SIPA1L3: variants seen among roughly 807,000 people sequenced by gnomAD.
SIPA1L3 encodes the protein signal induced proliferation associated 1 like 3, also known as signal-induced proliferation-associated 1-like protein 3.
In SIPA1L3, 59 loss-of-function variants were observed where a neutral mutation model predicts 150.1. That is an observed-to-expected ratio of 0.39 (90% CI 0.32 to 0.49). The LOEUF (loss-of-function observed/expected upper bound fraction) is 0.49, where lower values mean the gene tolerates loss of function less well. SIPA1L3 is among the 20% of genes least tolerant of loss of function. The pLI, the probability that SIPA1L3 is intolerant of heterozygous loss-of-function variation, is 0.86. For missense variants in SIPA1L3, 2,211 were observed against 2,489.5 expected, an observed-to-expected ratio of 0.89 and a Z score of 2.38; for synonymous variants, 1,070 against 1,077.6, an observed-to-expected ratio of 0.99 and a Z score of 0.14.
intron 4 of SIPA1L3, among the ~76,000 whole-genome samples, chr19:38,093,607 G>T (rs1257147165): frequency 6.6e-6 from 1 of 152,208 alleles, no homozygotes; most frequent in African/African-American, 2.4e-5. Flanking sequence ...CACGGATGGG[G>T]TTCTGTCCTT....
intron 12 of SIPA1L3, among the ~76,000 whole-genome samples, chr19:38,148,872 G>A (rs1343921968): frequency 6.6e-6 from 1 of 152,162 alleles, no homozygotes; most frequent in Non-Finnish European, 1.5e-5. Context: ...TCCAAGAAGA[G>A]ATAATTACTT....
At position 38,193,597 on chromosome 19, in the gene SIPA1L3, C is replaced by T. The variant is rs750559674; in HGVS notation, c.4657C>T (p.Arg1553Trp). 25 of 1,560,904 alleles carry T rather than the reference C, an allele frequency of 1.6e-5. 1 individual carries two copies. Among genetic ancestry groups the T allele is most frequent in the East Asian group, 9.5e-5 (4 of 42,142 alleles). The change falls in exon 18 of 22, where the codon CGG becomes TGG. Residue 1553 changes from arginine to tryptophan, a missense_variant. By Grantham distance (101) the Arg-to-Trp change is moderately radical. Coordinates refer to ENST00000222345, the MANE Select transcript of SIPA1L3 (RefSeq NM_015073.3). ...LSDESLCSGRREPSFASPAGL... is the reference protein window; with the variant it reads ...LSDESLCSGRWEPSFASPAGL... The stretch of plus-strand genomic sequence containing the variant: ...GGACGAGAGCCTGTGCAGCGGGCGC[C>T]GGGAGCCCAGCTTCGCCAGCCCCGC...
At chr19:38,197,495 C>T (rs1972986931) in intron 18 of SIPA1L3, among the ~76,000 whole-genome samples, 1 of 152,060 alleles carries the variant, frequency 6.6e-6, no homozygotes, top group Non-Finnish European at 1.5e-5. Flanking sequence ...ACGGCAACCC[C>T]ACCCCGTGTA....
intron 7 of SIPA1L3, 141 bp from the exon 8 acceptor site, chr19:38,110,086 C>T: frequency 1.3e-6 from 1 of 785,864 alleles, no homozygotes; most frequent in Non-Finnish European, 2.1e-6. Context: ...GGTTTGTCAC[C>T]TGACTCGGGC....
intron 18 of SIPA1L3, among the ~76,000 whole-genome samples, chr19:38,196,640 A>G (rs192835934): frequency 1.5e-4 from 22 of 150,208 alleles, no homozygotes; most frequent in Admixed American, 9.9e-4. Flanking sequence ...AGGGTGGAGC[A>G]TGGAGGTCAA....
At position 37,968,362 on chromosome 19, in the gene SIPA1L3, G is replaced by A. The variant is rs573989290; in HGVS notation, c.-378-60727G>A. 7.2e-5 allele frequency among the ~76,000 whole-genome samples: 11 copies of A among 152,224 alleles called. No homozygotes were observed. The East Asian group carries it at 1.5e-3, about 21-fold the overall frequency. ...GCTGGGATTACAGGCATGAGCCACC[G>A]CGCCCGGCCGGCCTCATCTCTTAAT... On this transcript the variant is annotated intron_variant, in intron 1 of 21. Transcript: ENST00000222345.
At chr19:38,191,503 G>A (rs1972803063) in intron 16 of SIPA1L3, among the ~76,000 whole-genome samples, 1 of 151,792 alleles carries the variant, frequency 6.6e-6, no homozygotes, top group South Asian at 2.1e-4. Context: ...ACGTTCTGCT[G>A]GGTAGACTGA....
intron 2 of SIPA1L3, among the ~76,000 whole-genome samples, chr19:38,030,234 G>A (rs928922337): frequency 2.0e-5 from 3 of 152,026 alleles, no homozygotes; most frequent in Non-Finnish European, 4.4e-5. Context: ...CAGCCCCACC[G>A]CCCCACTATG....
chr19:38,179,712 TAAGAG>T (rs1225966694), intron 15 of SIPA1L3, among the ~76,000 whole-genome samples: 1 of 152,202 alleles, frequency 6.6e-6, no homozygotes, highest in African/African-American at 2.4e-5. Context: ...TTAAGGAAGT[TAAGAG>T]AAGAAATAAG....
chr19:38,121,507 G>A (rs567045183), intron 9 of SIPA1L3, among the ~76,000 whole-genome samples: 180 of 151,718 alleles, frequency 1.2e-3, no homozygotes, highest in African/African-American at 4.1e-3. Context: ...TTGGGAGGCC[G>A]AGGTGGGCAG....
At chr19:38,175,701 G>A (rs1365303311) in intron 15 of SIPA1L3, among the ~76,000 whole-genome samples, 2 of 152,126 alleles carry the variant, frequency 1.3e-5, no homozygotes, top group East Asian at 3.9e-4. Flanking sequence ...ATAGGATCTC[G>A]TGAGGCAGGT....
intron 2 of SIPA1L3, among the ~76,000 whole-genome samples, chr19:38,058,024 T>TA (rs1175001537): frequency 6.6e-6 from 1 of 151,760 alleles, no homozygotes; most frequent in African/African-American, 2.4e-5. Flanking sequence ...CTGGGAACAT[T>TA]AAAAAAGAAA....
chr19:38,064,012 G>A (rs1270009054), intron 2 of SIPA1L3, among the ~76,000 whole-genome samples: 3 of 152,170 alleles, frequency 2.0e-5, no homozygotes, highest in Non-Finnish European at 4.4e-5. Flanking sequence ...CAGGCCCCTC[G>A]CCTGACTGCA....
intron 4 of SIPA1L3, among the ~76,000 whole-genome samples, chr19:38,099,134 C>T (rs943312245): frequency 1.3e-5 from 2 of 152,124 alleles, no homozygotes; most frequent in African/African-American, 4.8e-5. Flanking sequence ...CTCCTGGGTT[C>T]AAGTGATTCT....
At chr19:38,157,919 T>C (rs1568582046) in intron 13 of SIPA1L3, among the ~76,000 whole-genome samples, 1 of 152,114 alleles carries the variant, frequency 6.6e-6, no homozygotes, top group Non-Finnish European at 1.5e-5. Flanking sequence ...ACGATGATGA[T>C]AAAACATTAA....
chr19:38,059,311 A>ATTTTT (rs35717284), intron 2 of SIPA1L3, among the ~76,000 whole-genome samples: 4 of 113,926 alleles, frequency 3.5e-5, no homozygotes, highest in Non-Finnish European at 3.5e-5. Flanking sequence ...AACAGCTGAG[A>ATTTTT]TTTTTTTTTT....
chr19:37,921,603 C>CT (rs143004129), intron 1 of SIPA1L3, among the ~76,000 whole-genome samples: 209 of 142,036 alleles, frequency 1.5e-3, no homozygotes, highest in Non-Finnish European at 1.9e-3. Context: ...CTTTTTCTTT[C>CT]TTTTTTTTTT....
intron 12 of SIPA1L3, among the ~76,000 whole-genome samples, chr19:38,143,631 C>G (rs968521776): frequency 6.6e-6 from 1 of 151,236 alleles, no homozygotes; most frequent in Non-Finnish European, 1.5e-5. Context: ...CTCCACCTCC[C>G]GGGTTCAAGT....
chr19:38,052,527 C>G (rs1204882009), intron 2 of SIPA1L3, among the ~76,000 whole-genome samples: 1 of 152,250 alleles, frequency 6.6e-6, no homozygotes, highest in African/African-American at 2.4e-5. Flanking sequence ...TTGGCTGAGC[C>G]TCACCAGCAG....
Sources: gnomAD v4.1 joint callset for allele counts (sites outside exome capture counted in the v4.1 genomes callset) on GRCh38, gnomAD v4.1.1 for gene constraint, MANE v1.5 for transcripts, NCBI Gene and HGNC (gene_info 2026-07-23, HGNC 2026-07-21) for gene names.